RSF1: variants seen among roughly 807,000 people sequenced by gnomAD.
The protein encoded by RSF1 is HBV pX-associated protein 8.
In RSF1, 13 loss-of-function variants were observed where a neutral mutation model predicts 145.2. That is an observed-to-expected ratio of 0.09 (90% confidence interval 0.06 to 0.14). The LOEUF is 0.14. RSF1 is among the 10% of genes least tolerant of loss of function. The pLI is 1.00. For synonymous variants in RSF1, 577 were observed against 592.6 expected (o/e 0.97, Z 0.38); for missense variants, 1,517 against 1,718.2 (o/e 0.88, Z 2.07).
At chr11:77,735,933 T>C (rs1420649142) in intron 4 of RSF1, among the ~76,000 whole-genome samples, 1 of 152,278 alleles carries the variant, frequency 6.6e-6, no homozygotes, top group African/African-American at 2.4e-5. Context: ...GAGACGGAGT[T>C]TCACCATGTT....
rs1044456532 is a variant in RSF1, at chr11:77,701,789, G to A, written c.1440C>T (p.Ile480=). 2 of 1,613,800 alleles carry A rather than the reference G, an allele frequency of 1.2e-6. No homozygotes were observed. The highest frequency in any genetic ancestry group is 3.3e-5 in the Admixed American group (2 of 60,000). The change falls in exon 6 of 16, where the codon ATC becomes ATT. Residue 480 remains isoleucine, a synonymous_variant. Coordinates refer to ENST00000308488, the MANE Select transcript of RSF1 (RefSeq NM_016578.4). ...ACTCTGTTCCATTTCCCTCCGTGATGATATTTCTGTCCTTAGAGGGGCTAT... is the reference window on the plus strand; with the variant it reads ...ACTCTGTTCCATTTCCCTCCGTGATAATATTTCTGTCCTTAGAGGGGCTAT... The part of the protein sequence containing the change: ...ESYSPSKDRN[I]ITEGNGTESL...
chr11:77,763,122 C>T (rs553425673), intron 2 of RSF1: 12 of 152,088 alleles, frequency 7.9e-5, no homozygotes, highest in African/African-American at 1.4e-4. Flanking sequence ...GGGCGGATCA[C>T]GAGGTCAGGA....
chr11:77,693,114 T>C lies in RSF1; in HGVS notation c.2820+393A>G, dbSNP rs532892962. On this transcript the variant is annotated intron_variant, in intron 8 of 15. Transcript: ENST00000308488. ...GATAGAAGAGAAAGAGAATCTATGT[T>C]TCTCCTAACCCTGATAACACCATCT... 5.9e-5 allele frequency among the ~76,000 whole-genome samples: 9 copies of C among 152,334 alleles called. No individual in the cohort carries two copies. In the East Asian group the frequency reaches 1.5e-3, roughly 26 times the overall value.
At chr11:77,762,061 A>C (rs1169153152) in intron 2 of RSF1, 1 of 59,574 alleles carries the variant, frequency 1.7e-5, no homozygotes, top group East Asian at 4.9e-4. Context: ...TAGAGATGGG[A>C]TTTTGCCATG....
chr11:77,812,381 A>C (rs72933598), intron 1 of RSF1, among the ~76,000 whole-genome samples: 1 of 152,232 alleles, frequency 6.6e-6, no homozygotes, highest in Non-Finnish European at 1.5e-5. Context: ...TAAGATAAAC[A>C]TGTACAAATA....
At chr11:77,754,832 A>G (rs1272859412) in intron 2 of RSF1, among the ~76,000 whole-genome samples, 1 of 150,874 alleles carries the variant, frequency 6.6e-6, no homozygotes, top group Non-Finnish European at 1.5e-5. Context: ...AGCCTGGTAT[A>G]GCGGTACACA....
At chr11:77,757,565 C>T (rs527641471) in intron 2 of RSF1, among the ~76,000 whole-genome samples, 8 of 152,280 alleles carry the variant, frequency 5.3e-5, no homozygotes, top group Admixed American at 2.0e-4. Flanking sequence ...GTAATCCCAG[C>T]TACTTGGGAG....
intron 4 of RSF1, among the ~76,000 whole-genome samples, chr11:77,737,590 CA>C (rs1355867490): frequency 6.8e-6 from 1 of 147,314 alleles, no homozygotes; most frequent in East Asian, 2.1e-4. Flanking sequence ...CAAATTTTAA[CA>C]AATGGAAAGA....
intron 2 of RSF1, among the ~76,000 whole-genome samples, chr11:77,760,893 A>G (rs1948164240): frequency 6.6e-6 from 1 of 152,144 alleles, no homozygotes; most frequent in Non-Finnish European, 1.5e-5. Flanking sequence ...CACCCCAGAA[A>G]AGACACACTA....
intron 14 of RSF1, among the ~76,000 whole-genome samples, chr11:77,674,017 T>TA (rs1337242355): frequency 2.6e-5 from 4 of 152,168 alleles, no homozygotes; most frequent in Non-Finnish European, 5.9e-5. Context: ...AATATGGAGA[T>TA]ACTTGTTAAA....
At chr11:77,684,059 A>G (rs553842220) in intron 10 of RSF1, among the ~76,000 whole-genome samples, 11 of 152,372 alleles carry the variant, frequency 7.2e-5, no homozygotes, top group African/African-American at 2.6e-4. Flanking sequence ...GTGAGATTAT[A>G]ACCAGTACTT....
At chr11:77,711,073 G>C (rs919173681) in intron 5 of RSF1, among the ~76,000 whole-genome samples, 4 of 147,770 alleles carry the variant, frequency 2.7e-5, no homozygotes, top group Non-Finnish European at 5.9e-5. Flanking sequence ...ATGTCTCTAA[G>C]CCTTTTCAGT....
intron 1 of RSF1, among the ~76,000 whole-genome samples, chr11:77,788,826 A>G (rs971305105): frequency 2.0e-5 from 3 of 152,176 alleles, no homozygotes; most frequent in Admixed American, 1.3e-4. Flanking sequence ...GGCCTCCTCT[A>G]CTAAGAACAA....
chr11:77,722,566 G>A (rs999029037), intron 5 of RSF1, among the ~76,000 whole-genome samples: 39 of 152,154 alleles, frequency 2.6e-4, no homozygotes, highest in Admixed American at 2.0e-3. Context: ...TAAGAGCATA[G>A]GGTATAGAAG....
intron 1 of RSF1, among the ~76,000 whole-genome samples, chr11:77,803,083 T>G (rs1948642279): frequency 6.6e-6 from 1 of 152,162 alleles, no homozygotes; most frequent in African/African-American, 2.4e-5. Context: ...ATTGTGAGAT[T>G]AGAGGGTAGG....
At chr11:77,671,052 G>A (rs1959510651) in intron 15 of RSF1, among the ~76,000 whole-genome samples, 1 of 128,484 alleles carries the variant, frequency 7.8e-6, no homozygotes, top group Non-Finnish European at 1.6e-5. Context: ...GTTGCAGTGA[G>A]CCAAGATCAC....
intron 6 of RSF1, 51 bp from the exon 7 acceptor site, chr11:77,698,744 A>C: frequency 6.8e-7 from 1 of 1,467,438 alleles, no homozygotes; most frequent in Non-Finnish European, 9.5e-7. Flanking sequence ...AATGTCTTTT[A>C]AAAATCTCCT....
chr11:77,791,390 T>G (rs989084798), intron 1 of RSF1, among the ~76,000 whole-genome samples: 3 of 152,190 alleles, frequency 2.0e-5, no homozygotes, highest in Non-Finnish European at 4.4e-5. Context: ...TGGGATGCCG[T>G]GAAGACCTCC....
At chr11:77,785,731 C>T (rs1430043837) in intron 1 of RSF1, among the ~76,000 whole-genome samples, 1 of 150,146 alleles carries the variant, frequency 6.7e-6, no homozygotes, top group African/African-American at 2.5e-5. Flanking sequence ...GCAGGTGGAT[C>T]ACGGTGAAAC....
Sources: allele counts gnomAD v4.1 joint callset (sites outside exome capture counted in the v4.1 genomes callset), GRCh38; gene constraint gnomAD v4.1.1; transcripts MANE v1.5; gene names NCBI Gene and HGNC (gene_info 2026-07-23, HGNC 2026-07-21).